The following LYST variants were observed in gnomAD, a reference collection of about 807,000 sequenced individuals.
LYST encodes the protein lysosomal trafficking regulator, also known as lysosomal-trafficking regulator.
Under a neutral mutation model 413.6 loss-of-function variants are expected in LYST, and 192 were observed. The observed-to-expected ratio is 0.46, with a 90% CI of 0.41 to 0.52. The LOEUF is 0.52. Among genes scored for constraint, LYST ranks in the 20% least tolerant of loss-of-function variants. The probability of loss-of-function intolerance (pLI) is 0.00; values close to 1 mark genes in which losing one functional copy is unlikely to be tolerated. For synonymous variants in LYST, 1,525 were observed against 1,567.3 expected, an observed-to-expected ratio of 0.97 and a Z score of 0.64; for missense variants, 3,815 against 4,499.9, an observed-to-expected ratio of 0.85 and a Z score of 4.35.
At chr1:235,681,933 C>T (rs1222700953) in intron 48 of LYST, among the ~76,000 whole-genome samples, 2 of 151,974 alleles carry the variant, frequency 1.3e-5, no homozygotes, top group African/African-American at 2.4e-5. Context: ...AGCTGTGACA[C>T]GTTGGGCAAG....
chr1:235,790,858 A>C (rs1160685795), intron 12 of LYST, among the ~76,000 whole-genome samples: 1 of 152,230 alleles, frequency 6.6e-6, no homozygotes, highest in Non-Finnish European at 1.5e-5. Flanking sequence ...GATGCATTTA[A>C]ACATTCTGTG....
intron 1 of LYST, among the ~76,000 whole-genome samples, chr1:235,845,307 G>C (rs1677693263): frequency 6.6e-6 from 1 of 152,144 alleles, no homozygotes; most frequent in Non-Finnish European, 1.5e-5. Context: ...GAATTACAGG[G>C]GTAGAGAATG....
rs760244391 is a variant in LYST at position 235,753,113 on chromosome 1, A to G, written c.7391T>C (p.Met2464Thr). 1.9e-6 allele frequency: 3 copies of G among 1,609,376 alleles called. No individual in the cohort carries two copies. The highest frequency in any genetic ancestry group is 2.6e-6 in the Non-Finnish European group (3 of 1,175,958). The change falls in exon 26 of 53, where the codon ATG becomes ACG. Residue 2464 changes from methionine (M) to threonine (T), a missense_variant. By Grantham distance (81) the Met-to-Thr change is moderately conservative (BLOSUM62 -1). This residue lies in a region of LYST where 771 missense variants were observed against 837.1 expected (regional missense o/e 0.92). Transcript: ENST00000389793. ...ILNSCSKVAD[M>T]LLDNGLLYVL... The stretch of plus-strand genomic sequence containing the variant: ...ATAGAGTAGACCATTATCCAGCAAC[A>G]TATCTGCTACCTTAGAACAAGAATT...
In LYST at chr1:235,752,087, T is replaced by A; in HGVS notation, c.7545A>T (p.Ser2515=). The A allele has an allele frequency of 6.2e-7, 1 of 1,610,652 alleles. No individual in the cohort carries two copies. The highest frequency in any genetic ancestry group is 1.1e-5 in the South Asian group (1 of 90,978). The part of the protein sequence containing the change: ...IAVTIHACSS[S]GSQYFRVIED... ...CAATAACCCTAAAATATTGTGAGCC[T>A]GAGGAACTGCAAGCATGAATTGTAA... is the stretch of plus-strand genomic sequence containing the variant. Residue 2515 remains serine, a synonymous_variant, in exon 27 of 53, where the codon TCA becomes TCT. Coordinates refer to ENST00000389793, the MANE Select transcript of LYST (RefSeq NM_000081.4).
Position 235,734,631 on chromosome 1 carries a change from G to A in LYST, c.8387C>T (p.Ser2796Leu), listed in dbSNP as rs1468338141. ...QHGAKLVLYLSELIHNHQGEL... is the reference protein window; with the variant it reads ...QHGAKLVLYLLELIHNHQGEL... ...ACCTTGGTGATTATGTATCAACTCT[G>A]ACAAATACAAAACTAACTTGGCTCC... is the stretch of plus-strand genomic sequence containing the variant. The change falls in exon 32 of 53, where the codon TCA becomes TTA. Residue 2796 changes from serine to leucine, a missense_variant. By Grantham distance (145) the Ser-to-Leu change is moderately radical. Around this residue, in one of 4 missense-constraint regions of LYST, gnomAD observed 771 missense variants for 837.1 expected, o/e 0.92. Coordinates refer to ENST00000389793, the MANE Select transcript of LYST (RefSeq NM_000081.4). The A allele has an allele frequency of 3.1e-6, 5 of 1,610,656 alleles. No individual in the cohort carries two copies. Among genetic ancestry groups the A allele is most frequent in the South Asian group, 1.1e-5 (1 of 90,344 alleles).
At chr1:235,811,470 A>G (rs987649541) in intron 4 of LYST, among the ~76,000 whole-genome samples, 38 of 152,186 alleles carry the variant, frequency 2.5e-4, no homozygotes, top group Non-Finnish European at 4.4e-5. Flanking sequence ...TATTTCTCAA[A>G]TGTTTCAGCA....
chr1:235,848,524 T>C (rs1415675242), intron 1 of LYST, among the ~76,000 whole-genome samples: 1 of 150,580 alleles, frequency 6.6e-6, no homozygotes, highest in Non-Finnish European at 1.5e-5. Flanking sequence ...ATAACCAAGA[T>C]CAGAGCAAAA....
chr1:235,786,614 G>A (rs1670439874), intron 14 of LYST, among the ~76,000 whole-genome samples: 3 of 152,110 alleles, frequency 2.0e-5, no homozygotes, highest in Middle Eastern at 3.4e-3. Context: ...GTTTATTGCG[G>A]CACTATTCAC....
chr1:235,784,954 A>T (rs930946763), intron 14 of LYST, among the ~76,000 whole-genome samples: 1 of 152,218 alleles, frequency 6.6e-6, no homozygotes, highest in African/African-American at 2.4e-5. Context: ...TTTTAAAATG[A>T]ATACAACAAA....
intron 52 of LYST, among the ~76,000 whole-genome samples, chr1:235,663,767 ACT>A (rs1658214390): frequency 6.6e-6 from 1 of 152,054 alleles, no homozygotes; most frequent in Admixed American, 6.6e-5. Context: ...TTTCCACTAG[ACT>A]CTGAGTCACT....
chr1:235,730,719 C>T, intron 36 of LYST, 128 bp downstream of exon 36: 1 of 743,196 alleles, frequency 1.3e-6, no homozygotes, highest in Non-Finnish European at 2.3e-6. Flanking sequence ...ACCTTGTCCT[C>T]CCTTGAGCCT....
chr1:235,737,402 G>A (rs1360068831), intron 31 of LYST: 1 of 148,616 alleles, frequency 6.7e-6, no homozygotes, highest in Non-Finnish European at 1.5e-5. Flanking sequence ...TTATTTCCTA[G>A]CTTTGTCCAC....
intron 28 of LYST, among the ~76,000 whole-genome samples, chr1:235,750,539 G>C (rs189916184): frequency 1.2e-4 from 18 of 152,244 alleles, no homozygotes; most frequent in African/African-American, 4.1e-4. Flanking sequence ...TGGTGTGTGT[G>C]TGTGCATGTG....
chr1:235,840,177 G>A (rs1253080893), intron 1 of LYST: 3 of 152,130 alleles, frequency 2.0e-5, no homozygotes, highest in East Asian at 1.9e-4. Context: ...ATTACATTAC[G>A]GTGGCAAAGG....
chr1:235,752,323 C>A, intron 26 of LYST, 152 bp from the exon 27 acceptor site: 1 of 617,222 alleles, frequency 1.6e-6, no homozygotes, highest in East Asian at 2.8e-5. Flanking sequence ...CATGCTTATT[C>A]TATGGCAAGT....
chr1:235,842,478 T>C (rs537478152), intron 1 of LYST, among the ~76,000 whole-genome samples: 1 of 152,338 alleles, frequency 6.6e-6, no homozygotes, highest in South Asian at 2.1e-4. Context: ...CAGATCATTG[T>C]AAGTTCTTAA....
At chr1:235,713,258 G>T (rs1199590565) in intron 42 of LYST, 32 of 885,994 alleles carry the variant, frequency 3.6e-5, no homozygotes, top group Non-Finnish European at 4.2e-5. Context: ...TACTAACTTA[G>T]TAGAAAAAGT....
intron 3 of LYST, 43 bp downstream of exon 3, chr1:235,830,183 A>T (rs376863649): frequency 7.1e-7 from 1 of 1,410,028 alleles, no homozygotes; most frequent in East Asian, 2.3e-5. Flanking sequence ...ACAGTTAACT[A>T]TCATATATTG....
Position 235,833,572 on chromosome 1 carries a change from A to G in LYST, c.-8+6T>C. 1.4e-6 allele frequency: 1 copy of G among 721,180 alleles called. No homozygotes were observed. The highest frequency in any genetic ancestry group is 1.7e-6 in the Non-Finnish European group (1 of 588,404). The allele number at this position is 721,180 out of a possible 1,614,324, so 44.7% of individuals were successfully genotyped here. The stretch of plus-strand genomic sequence containing the variant: ...ATGGTTAATATTTATTACATTATAT[A>G]CTTACCAGTCTTTCACCACTGCTGT... On this transcript the variant is annotated splice_donor_region_variant and intron_variant, in intron 2 of 52. Coordinates refer to ENST00000389793, the MANE Select transcript of LYST (RefSeq NM_000081.4).
Sources: allele counts gnomAD v4.1 joint callset (sites outside exome capture counted in the v4.1 genomes callset), GRCh38; gene constraint gnomAD v4.1.1; regional missense constraint gnomAD v4.1.1; transcripts MANE v1.5; gene names NCBI Gene and HGNC (gene_info 2026-07-23, HGNC 2026-07-21).